ZMYND8: variants seen among roughly 807,000 people sequenced by gnomAD.
ZMYND8 encodes the protein zinc finger MYND-type containing 8, also known as MYND-type zinc finger-containing chromatin reader ZMYND8.
Under a neutral mutation model 140.8 loss-of-function variants are expected in ZMYND8, and 37 were observed. The ratio of observed to expected loss-of-function variants is 0.26; its 90% CI spans 0.20 to 0.35. The LOEUF (loss-of-function observed/expected upper bound fraction) is 0.35. Ranked by LOEUF, ZMYND8 falls within the 10% of genes least tolerant of loss-of-function variation. The pLI, the probability that ZMYND8 is intolerant of heterozygous loss-of-function variation, is 1.00. For synonymous variants in ZMYND8, 592 were observed against 597.1 expected, an observed-to-expected ratio of 0.99 and a Z score of 0.12; for missense variants, 1,068 against 1,570.0, an observed-to-expected ratio of 0.68 and a Z score of 5.40.
intron 11 of ZMYND8, among the ~76,000 whole-genome samples, chr20:47,270,472 C>A (rs2075848445): frequency 6.7e-6 from 1 of 150,104 alleles, no homozygotes; most frequent in South Asian, 2.1e-4. Context: ...ACAGTCTACA[C>A]CAGACATTGC....
chr20:47,235,207 C>T (rs181513033), intron 16 of ZMYND8, among the ~76,000 whole-genome samples: 173 of 152,288 alleles, frequency 1.1e-3, no homozygotes, highest in African/African-American at 3.9e-3. Flanking sequence ...ATGGGTCAAG[C>T]ACTTACTACA....
intron 11 of ZMYND8, among the ~76,000 whole-genome samples, chr20:47,268,666 G>A (rs1318744604): frequency 1.3e-5 from 2 of 149,160 alleles, no homozygotes; most frequent in African/African-American, 2.5e-5. Flanking sequence ...AACCCCAGCT[G>A]TTCAAGAGGC....
intron 2 of ZMYND8, among the ~76,000 whole-genome samples, chr20:47,310,907 A>G (rs1030602751): frequency 2.6e-5 from 4 of 152,028 alleles, no homozygotes; most frequent in Admixed American, 6.6e-5. Context: ...CTTCCCCACT[A>G]CGTCCCTGCT....
At chr20:47,246,672 G>A (rs1326196908) in intron 13 of ZMYND8, among the ~76,000 whole-genome samples, 155 bp from the exon 14 acceptor site, 1 of 152,206 alleles carries the variant, frequency 6.6e-6, no homozygotes, top group Non-Finnish European at 1.5e-5. Context: ...ATAATCTCAA[G>A]TGGCAACTGG....
intron 2 of ZMYND8, among the ~76,000 whole-genome samples, chr20:47,333,063 G>T (rs570223916): frequency 9.5e-4 from 145 of 152,234 alleles, no homozygotes; most frequent in Admixed American, 2.6e-3. Flanking sequence ...AGTCAAAAAT[G>T]AGGTCACACA....
intron 2 of ZMYND8, chr20:47,318,378 G>T (rs995214034): frequency 3.1e-6 from 1 of 317,718 alleles, no homozygotes; most frequent in Admixed American, 4.8e-5. Context: ...TCACTTCAAA[G>T]CGTTTCCCAA....
At chr20:47,276,045 C>T (rs537122702) in intron 11 of ZMYND8, among the ~76,000 whole-genome samples, 22 of 152,186 alleles carry the variant, frequency 1.4e-4, no homozygotes, top group Admixed American at 3.3e-4. Flanking sequence ...CAAAATGCAG[C>T]GACATCTGAA....
chr20:47,210,903 G>A lies in ZMYND8; in HGVS notation c.3569-6C>T, dbSNP rs1365064730. 7.4e-6 allele frequency: 12 copies of A among 1,613,038 alleles called. No individual in the cohort carries two copies. The highest frequency in any genetic ancestry group is 1.0e-5 in the Non-Finnish European group (12 of 1,179,122). ...TTTATTACTCCGGGAATGGTCTGAG[G>A]GGGAAAACCAATGTGTTTAGCGTGC... is the stretch of plus-strand genomic sequence containing the variant. On this transcript the variant is annotated splice_region_variant and splice_polypyrimidine_tract_variant and intron_variant, in intron 22 of 22. Coordinates refer to ENST00000471951, the MANE Select transcript of ZMYND8 (RefSeq NM_001281775.3).
chr20:47,333,965 G>GAATA lies in ZMYND8; in HGVS notation c.85+13887_85+13890dup, dbSNP rs201465644. Reference sequence around the variant, plus strand: ...GGGAAGGAGGGAGGAATGAATAAATGAATAAATAAATAAATAAGCATCGAA... The same window carrying GAATA: ...GGGAAGGAGGGAGGAATGAATAAATGAATAAATAAATAAATAAATAAGCATCGAA... On this transcript the variant is annotated intron_variant, in intron 2 of 22. Transcript: ENST00000471951. 2.6e-4 allele frequency among the ~76,000 whole-genome samples: 40 copies of GAATA among 151,824 alleles called. No individual in the cohort carries two copies. In the South Asian group the frequency reaches 5.8e-3, roughly 22 times the overall value.
chr20:47,322,017 T>C (rs908491610), intron 2 of ZMYND8, among the ~76,000 whole-genome samples: 59 of 151,852 alleles, frequency 3.9e-4, no homozygotes, highest in African/African-American at 1.4e-3. Flanking sequence ...CAGGCCACCA[T>C]GCCTGGCTAA....
chr20:47,284,087 T>TA (rs996203442), intron 8 of ZMYND8, among the ~76,000 whole-genome samples: 1 of 152,156 alleles, frequency 6.6e-6, no homozygotes, highest in Non-Finnish European at 1.5e-5. Flanking sequence ...CACGCCCAGC[T>TA]AATTTTTGTA....
intron 3 of ZMYND8, among the ~76,000 whole-genome samples, chr20:47,307,718 C>T (rs377139532): frequency 2.2e-4 from 33 of 151,874 alleles, no homozygotes; most frequent in Admixed American, 7.2e-4. Context: ...ATTCCAGCTA[C>T]GTGGAGGCTG....
intron 14 of ZMYND8, among the ~76,000 whole-genome samples, chr20:47,239,669 C>CT (rs757767377): frequency 5.3e-5 from 8 of 152,292 alleles, no homozygotes; most frequent in Admixed American, 1.3e-4. Flanking sequence ...GAAAAGTATT[C>CT]TTTTCATCTC....
chr20:47,213,262 A>G (rs1361651994), intron 21 of ZMYND8, among the ~76,000 whole-genome samples: 1 of 152,228 alleles, frequency 6.6e-6, no homozygotes, highest in Non-Finnish European at 1.5e-5. Context: ...ATGGTAGCAC[A>G]CCAACAAATC....
Position 47,247,560 on chromosome 20 carries a change from GC to G in ZMYND8, c.1775-1044del, listed in dbSNP as rs879578429. 1.6e-3 allele frequency among the ~76,000 whole-genome samples: 237 copies of G among 152,264 alleles called. 1 individual carries two copies. The highest frequency in any genetic ancestry group is 3.4e-3 in the Middle Eastern group (1 of 294). On this transcript the variant is annotated intron_variant, in intron 13 of 22. Coordinates refer to ENST00000471951, the MANE Select transcript of ZMYND8 (RefSeq NM_001281775.3). Reference sequence around the variant, plus strand: ...TCCATTTAACCCATTTACGGCTCCTGCCCCCAACCATATGTTATGCCATCAT... The same window carrying G: ...TCCATTTAACCCATTTACGGCTCCTGCCCCAACCATATGTTATGCCATCAT...
chr20:47,326,254 A>G (rs1213400698), intron 2 of ZMYND8, among the ~76,000 whole-genome samples: 4 of 151,706 alleles, frequency 2.6e-5, no homozygotes, highest in Non-Finnish European at 1.5e-5. Context: ...CACCACATCC[A>G]GCCCACCAGC....
rs776722287 is a variant in ZMYND8 at position 47,246,482 on chromosome 20, C to A, written c.1810G>T (p.Val604Leu). The A allele has an allele frequency of 1.2e-6, 2 of 1,611,622 alleles. No individual in the cohort carries two copies. The highest frequency in any genetic ancestry group is 1.7e-6 in the Non-Finnish European group (2 of 1,179,528). The change falls in exon 14 of 23, where the codon GTA becomes TTA. Residue 604 changes from valine (V) to leucine (L), a missense_variant. This residue lies in a region of ZMYND8 where 383 missense variants were observed against 431.2 expected (regional missense o/e 0.89). Transcript: ENST00000471951. ...NEISEDVYTA[V>L]EHSDSEDSEK... ...GAATCCTCCGAATCGCTGTGCTCTACGGCCGTATAGACATCTTCCGAGATT... is the reference window on the plus strand; with the variant it reads ...GAATCCTCCGAATCGCTGTGCTCTAAGGCCGTATAGACATCTTCCGAGATT...
chr20:47,233,508 C>A (rs905111404), intron 16 of ZMYND8, among the ~76,000 whole-genome samples: 2 of 152,194 alleles, frequency 1.3e-5, no homozygotes, highest in East Asian at 1.9e-4. Flanking sequence ...AACAGCCACA[C>A]TGAATCCTAA....
chr20:47,255,766 GGTATATATATATATTTGTATGTGTATA>G (rs2074642007), intron 12 of ZMYND8, among the ~76,000 whole-genome samples: 1 of 39,834 alleles, frequency 2.5e-5, no homozygotes, highest in Non-Finnish European at 4.5e-5. Flanking sequence ...ATATATATAC[GGTATATATATATATTTGTATGTGTATA>G]TATATATACC....
Sources: gnomAD v4.1 joint callset for allele counts (sites outside exome capture counted in the v4.1 genomes callset) on GRCh38, gnomAD v4.1.1 for gene constraint, gnomAD v4.1.1 regional missense constraint, MANE v1.5 for transcripts, NCBI Gene and HGNC (gene_info 2026-07-23, HGNC 2026-07-21) for gene names.